PFKFB4: variants seen among roughly 807,000 people sequenced by gnomAD.
PFKFB4 encodes the protein 6-phosphofructo-2-kinase/fructose-2,6-bisphosphatase 4.
PFKFB4 carries 42 observed loss-of-function variants against 62.8 expected under a neutral mutation model. The observed-to-expected ratio is 0.67, with a 90% CI of 0.52 to 0.86. The LOEUF is 0.86. PFKFB4 is among the 40% of genes least tolerant of loss of function. The pLI is 0.00. For synonymous variants in PFKFB4, 204 were observed against 240.7 expected (o/e 0.85, Z 1.41); for missense variants, 475 against 627.2 (o/e 0.76, Z 2.59).
At chr3:48,522,136 T>C (rs1455865448) in intron 12 of PFKFB4, 86 bp from the exon 13 acceptor site, 8 of 1,215,058 alleles carry the variant, frequency 6.6e-6, no homozygotes, top group Non-Finnish European at 7.3e-6. Context: ...GAGGGGGGTC[T>C]GGGCGTGTGG....
intron 10 of PFKFB4, among the ~76,000 whole-genome samples, 188 bp from the exon 11 acceptor site, chr3:48,524,018 C>T (rs2042178954): frequency 1.3e-5 from 2 of 152,196 alleles, no homozygotes; most frequent in South Asian, 4.1e-4. Flanking sequence ...CCACCTTTCC[C>T]ACCTCAGGGC....
upstream of PFKFB4, chr3:48,561,587 C>T (rs999275027): frequency 6.5e-6 from 1 of 152,802 alleles, no homozygotes; most frequent in Non-Finnish European, 1.5e-5. The surrounding 1 kb of genome is among the most constrained non-coding windows in gnomAD (Gnocchi z 5.2). Context: ...TATGACTCAC[C>T]CACCATGTGT....
intron 9 of PFKFB4, among the ~76,000 whole-genome samples, chr3:48,533,319 C>T (rs1215486891): frequency 1.3e-5 from 2 of 152,106 alleles, no homozygotes; most frequent in Non-Finnish European, 2.9e-5. Flanking sequence ...GTACTTCATA[C>T]TCCTGAAACG....
upstream of PFKFB4, chr3:48,561,663 G>A (rs1462767144): frequency 2.6e-5 from 4 of 151,984 alleles, no homozygotes; most frequent in Non-Finnish European, 5.9e-5. The surrounding 1 kb of genome is among the most constrained non-coding windows in gnomAD (Gnocchi z 5.2). Context: ...TGTGTTTATT[G>A]AGCACCTCCT....
In PFKFB4 at chr3:48,550,191, C is replaced by A; in HGVS notation, c.141G>T (p.Leu47=). The A allele has an allele frequency of 6.2e-7, 1 of 1,614,174 alleles. No homozygotes were observed. The change falls in exon 2 of 14, where the codon CTG becomes CTT. Residue 47 remains leucine, a synonymous_variant. Coordinates refer to ENST00000232375, the MANE Select transcript of PFKFB4 (RefSeq NM_004567.4). ...AGATGTAGGTCTTGCCCCTGGCGGGCAGGCCCACCATGACAATGAGAGTTG... is the reference window on the plus strand; with the variant it reads ...AGATGTAGGTCTTGCCCCTGGCGGGAAGGCCCACCATGACAATGAGAGTTG... The part of the protein sequence containing the change: ...NCPTLIVMVG[L]PARGKTYISK...
upstream of PFKFB4, among the ~76,000 whole-genome samples, chr3:48,558,195 C>A (rs1030849094): frequency 3.3e-5 from 5 of 152,176 alleles, no homozygotes; most frequent in African/African-American, 1.2e-4. Context: ...AGTTCCTAAA[C>A]CCCTGGCTCA....
Position 48,519,777 on chromosome 3 carries a change from T to G in PFKFB4, c.1380A>C (p.Glu460Asp). Residue 460 changes from glutamate to aspartate, a missense_variant, in exon 14 of 14, where the codon GAA becomes GAC. By Grantham distance (45) the Glu-to-Asp change is conservative. Coordinates refer to ENST00000232375, the MANE Select transcript of PFKFB4 (RefSeq NM_004567.4). The stretch of plus-strand genomic sequence containing the variant: ...GGTGAGCAGGCACCGTGACAAGGGC[T>G]TCCTCTGGAGGTCTTGAGATGTCCA... ...QNVDISRPPEEALVTVPAHQ is the reference protein window; with the variant it reads ...QNVDISRPPEDALVTVPAHQ The G allele has an allele frequency of 6.2e-7, 1 of 1,613,872 alleles. No individual in the cohort carries two copies. The highest frequency in any genetic ancestry group is 8.5e-7 in the Non-Finnish European group (1 of 1,179,852).
chr3:48,562,352 C>T (rs148007631), upstream of PFKFB4: 197 of 175,848 alleles, frequency 1.1e-3, no homozygotes, highest in African/African-American at 4.2e-3. The surrounding 1 kb of genome is among the most constrained non-coding windows in gnomAD (Gnocchi z 4.3). Context: ...GTTGAGCTCT[C>T]GTGTTGAGGC....
At chr3:48,552,429 G>T (rs1179567999) in intron 1 of PFKFB4, among the ~76,000 whole-genome samples, 1 of 152,270 alleles carries the variant, frequency 6.6e-6, no homozygotes, top group Non-Finnish European at 1.5e-5. Context: ...CAAATGGTGA[G>T]CCTCAGGGGC....
chr3:48,522,521 T>G (rs1439734328), intron 12 of PFKFB4, among the ~76,000 whole-genome samples: 5 of 152,162 alleles, frequency 3.3e-5, no homozygotes, highest in African/African-American at 1.2e-4. Context: ...GCACCTGTGT[T>G]AAAGGTGAAG....
In PFKFB4 at chr3:48,536,247, T is replaced by G. The variant is rs561632908; in HGVS notation, c.840+9A>C. The G allele has an allele frequency of 1.3e-5, 21 of 1,610,994 alleles. No individual in the cohort carries two copies. The highest frequency in any genetic ancestry group is 2.2e-5 in the South Asian group (2 of 91,006). On this transcript the variant is annotated intron_variant, in intron 8 of 13. Transcript: ENST00000232375. ...GCCCGTGTGCGCACGCAGGGACACATGCACTGACCTCCCTGCCCCGAGGGG... is the reference window on the plus strand; with the variant it reads ...GCCCGTGTGCGCACGCAGGGACACAGGCACTGACCTCCCTGCCCCGAGGGG...
chr3:48,559,489 G>T (rs1201671947), upstream of PFKFB4: 1 of 456,814 alleles, frequency 2.2e-6, no homozygotes, highest in Non-Finnish European at 4.4e-6. Context: ...CAGTGGAATC[G>T]CACAGTCCAC....
chr3:48,523,662 C>A (rs760635557), intron 11 of PFKFB4, 39 bp downstream of exon 11: 11 of 1,614,004 alleles, frequency 6.8e-6, no homozygotes, highest in Non-Finnish European at 8.5e-6. Flanking sequence ...CCTACCTTCT[C>A]ACACAACCTT....
intron 8 of PFKFB4, 95 bp downstream of exon 8, chr3:48,536,161 G>A: frequency 9.7e-7 from 1 of 1,026,746 alleles, no homozygotes; most frequent in Non-Finnish European, 1.5e-6. Flanking sequence ...TAAAAGAATG[G>A]GAGCCTAGCC....
At chr3:48,559,987 C>T, upstream of PFKFB4, 1 of 195,960 alleles carries the variant, frequency 5.1e-6, no homozygotes, top group Non-Finnish European at 1.1e-5. Context: ...GCACATAGTG[C>T]AATCATGGCT....
chr3:48,561,187 AAG>A (rs1472778613), upstream of PFKFB4: 1 of 816,698 alleles, frequency 1.2e-6, no homozygotes, highest in Non-Finnish European at 1.7e-6. The surrounding 1 kb of genome is among the most constrained non-coding windows in gnomAD (Gnocchi z 5.2). Flanking sequence ...TAGCACTCTG[AAG>A]AGAGAGAAGC....
chr3:48,553,627 CG>C (rs2043222767), intron 1 of PFKFB4, among the ~76,000 whole-genome samples: 1 of 152,242 alleles, frequency 6.6e-6, no homozygotes, highest in Non-Finnish European at 1.5e-5. Context: ...GGGCCTGAGA[CG>C]TGCCTGGCAA....
chr3:48,555,908 T>TAA (rs397957030), intron 1 of PFKFB4, among the ~76,000 whole-genome samples: 8 of 140,014 alleles, frequency 5.7e-5, no homozygotes, highest in Admixed American at 7.1e-5. Context: ...ACTCATCTCT[T>TAA]AAAAAAAAAA....
upstream of PFKFB4, chr3:48,561,041 C>T: frequency 3.1e-6 from 4 of 1,275,766 alleles, no homozygotes; most frequent in Non-Finnish European, 4.1e-6. The surrounding 1 kb of genome is among the most constrained non-coding windows in gnomAD (Gnocchi z 5.2). Flanking sequence ...CCCACGCTGT[C>T]CCGTGCCTAC....
Sources: allele counts gnomAD v4.1 joint callset (sites outside exome capture counted in the v4.1 genomes callset), GRCh38; gene constraint gnomAD v4.1.1; non-coding constraint Gnocchi (gnomAD v3.1); transcripts MANE v1.5; gene names NCBI Gene and HGNC (gene_info 2026-07-23, HGNC 2026-07-21).